ANKS1B: variants seen among roughly 807,000 people sequenced by gnomAD.
The protein encoded by ANKS1B is ankyrin repeat and sterile alpha motif domain-containing protein 1B.
ANKS1B carries 36 observed loss-of-function variants against 148.3 expected under a neutral mutation model. That is an observed-to-expected ratio of 0.24 (90% CI 0.19 to 0.32). The LOEUF (loss-of-function observed/expected upper bound fraction) is 0.32, where lower values mean the gene tolerates loss of function less well. Among genes scored for constraint, ANKS1B ranks in the 10% least tolerant of loss-of-function variants. ANKS1B has a pLI of 1.00. For missense variants in ANKS1B, 1,157 were observed against 1,542.6 expected, an observed-to-expected ratio of 0.75 and a Z score of 4.19; for synonymous variants, 542 against 560.8, an observed-to-expected ratio of 0.97 and a Z score of 0.47.
chr12:99,461,589 A>G (rs2095971724), intron 10 of ANKS1B, among the ~76,000 whole-genome samples: 1 of 152,142 alleles, frequency 6.6e-6, no homozygotes, highest in African/African-American at 2.4e-5. Context: ...AGATGATGCT[A>G]TAGTCCATAC....
chr12:99,285,520 A>T (rs1209576174), intron 12 of ANKS1B, among the ~76,000 whole-genome samples: 1 of 152,240 alleles, frequency 6.6e-6, no homozygotes, highest in African/African-American at 2.4e-5. Context: ...AAGCAAAATG[A>T]CTGAATAGAA....
chr12:99,228,787 A>T (rs1296924164), intron 14 of ANKS1B, among the ~76,000 whole-genome samples: 1 of 152,008 alleles, frequency 6.6e-6, no homozygotes, highest in Non-Finnish European at 1.5e-5. Flanking sequence ...ACTGAAACAC[A>T]ACTATTTTGA....
chr12:99,631,238 C>A (rs1397949453), intron 9 of ANKS1B, among the ~76,000 whole-genome samples: 1 of 152,056 alleles, frequency 6.6e-6, no homozygotes, highest in Admixed American at 6.6e-5. Flanking sequence ...CCATAAAATA[C>A]AAATTTATTT....
intron 6 of ANKS1B, among the ~76,000 whole-genome samples, chr12:99,779,627 T>C (rs911729365): frequency 2.0e-5 from 3 of 152,202 alleles, no homozygotes; most frequent in African/African-American, 4.8e-5. Flanking sequence ...ATTTTAAAAA[T>C]ATTTCTATTA....
At chr12:99,895,252 C>T (rs117933000) in intron 1 of ANKS1B, among the ~76,000 whole-genome samples, 1 of 150,490 alleles carries the variant, frequency 6.6e-6, no homozygotes, top group Admixed American at 6.7e-5. Context: ...GGAATTTTGT[C>T]ATCAGACTGA....
At chr12:99,579,675 C>G (rs1470618855) in intron 9 of ANKS1B, among the ~76,000 whole-genome samples, 1 of 151,994 alleles carries the variant, frequency 6.6e-6, no homozygotes, top group Admixed American at 6.6e-5. Flanking sequence ...GTCAGAATGA[C>G]TATTATTAAA....
chr12:99,536,997 A>G (rs1195779421), intron 9 of ANKS1B, among the ~76,000 whole-genome samples: 1 of 152,140 alleles, frequency 6.6e-6, no homozygotes, highest in African/African-American at 2.4e-5. Context: ...AAATAAACAA[A>G]AACATTTGAA....
chr12:99,860,051 T>C (rs1399940819), intron 1 of ANKS1B, among the ~76,000 whole-genome samples: 1 of 152,212 alleles, frequency 6.6e-6, no homozygotes, highest in Non-Finnish European at 1.5e-5. Flanking sequence ...TATTGGGAAT[T>C]GGGAAATACT....
chr12:99,026,096 T>C (rs1485954496), intron 17 of ANKS1B, among the ~76,000 whole-genome samples: 1 of 152,212 alleles, frequency 6.6e-6, no homozygotes, highest in Admixed American at 6.5e-5. Flanking sequence ...ACTAGTTTAG[T>C]TGAAGGTATG....
intron 2 of ANKS1B, among the ~76,000 whole-genome samples, chr12:99,819,538 T>C (rs1306528969): frequency 1.3e-5 from 2 of 151,752 alleles, no homozygotes; most frequent in African/African-American, 4.8e-5. Flanking sequence ...TTAAATACTT[T>C]AAAAGGTAGA....
chr12:98,909,873 C>T (rs546614380), intron 17 of ANKS1B, among the ~76,000 whole-genome samples: 65 of 152,344 alleles, frequency 4.3e-4, no homozygotes, highest in African/African-American at 1.5e-3. Context: ...TTGGCTACAG[C>T]TCCCCTTTCA....
intron 1 of ANKS1B, among the ~76,000 whole-genome samples, chr12:99,975,836 ATCCC>A (rs2095620752): frequency 6.6e-6 from 1 of 152,190 alleles, no homozygotes; most frequent in South Asian, 2.1e-4. Context: ...CGACCCAGCA[ATCCC>A]ATTGCTGTGT....
chr12:99,820,190 C>T (rs548076356), intron 2 of ANKS1B, among the ~76,000 whole-genome samples: 1 of 151,692 alleles, frequency 6.6e-6, no homozygotes, highest in Non-Finnish European at 1.5e-5. Context: ...AAGAAATCAC[C>T]AGTAGAGTAC....
chr12:99,174,830 T>A (rs955553377), intron 14 of ANKS1B, among the ~76,000 whole-genome samples: 20 of 152,164 alleles, frequency 1.3e-4, no homozygotes, highest in African/African-American at 4.8e-4. Context: ...CTTAAAACAA[T>A]TTGAGTTATG....
intron 1 of ANKS1B, among the ~76,000 whole-genome samples, chr12:99,878,317 A>G (rs2092262899): frequency 1.3e-5 from 2 of 152,218 alleles, no homozygotes; most frequent in Non-Finnish European, 2.9e-5. Flanking sequence ...ACTTGGTCAT[A>G]TCTAACTACA....
At chr12:99,949,924 G>A (rs1046418962) in intron 1 of ANKS1B, among the ~76,000 whole-genome samples, 3 of 151,622 alleles carry the variant, frequency 2.0e-5, no homozygotes, top group African/African-American at 7.3e-5. Flanking sequence ...AATTGTCAAC[G>A]CTTGCTCTAG....
At chr12:99,594,733 G>T (rs554621124) in intron 9 of ANKS1B, among the ~76,000 whole-genome samples, 2 of 152,082 alleles carry the variant, frequency 1.3e-5, no homozygotes, top group African/African-American at 4.8e-5. Context: ...GAAATGGGGA[G>T]TTGCTATTCA....
intron 10 of ANKS1B, among the ~76,000 whole-genome samples, chr12:99,495,502 G>A (rs905789948): frequency 6.6e-6 from 1 of 152,046 alleles, no homozygotes; most frequent in Non-Finnish European, 1.5e-5. Context: ...TTCCCTTCAG[G>A]TACTGCTTTC....
intron 12 of ANKS1B, among the ~76,000 whole-genome samples, chr12:99,300,957 G>C (rs2081512779): frequency 1.3e-5 from 2 of 152,188 alleles, no homozygotes; most frequent in South Asian, 4.1e-4. Flanking sequence ...TATGGAGGCT[G>C]AGAAGTCCCA....
Sources: gnomAD v4.1 joint callset for allele counts (sites outside exome capture counted in the v4.1 genomes callset) on GRCh38, gnomAD v4.1.1 for gene constraint, MANE v1.5 for transcripts, NCBI Gene and HGNC (gene_info 2026-07-23, HGNC 2026-07-21) for gene names.